Variants in TRIQK observed in about 807,000 individuals in gnomAD.
TRIQK encodes triple QxxK/R motif-containing protein.
In TRIQK, 10 loss-of-function variants were observed where a neutral mutation model predicts 10.8. The observed-to-expected ratio is 0.92, with a 90% CI of 0.57 to 1.57. The LOEUF (loss-of-function observed/expected upper bound fraction) is 1.57, where lower values mean the gene tolerates loss of function less well. Ranked by LOEUF, TRIQK falls within the 40% of genes most tolerant of loss-of-function variation. The pLI is 0.00. For synonymous variants in TRIQK, 33 were observed against 33.7 expected, an observed-to-expected ratio of 0.98 and a Z score of 0.07; for missense variants, 107 against 97.7, an observed-to-expected ratio of 1.09 and a Z score of -0.40.
In TRIQK at chr8:92,884,006, T is replaced by C. The variant is rs2130195585; in HGVS notation, c.*2616A>G. On this transcript the variant is annotated 3_prime_UTR_variant, in exon 5 of 5. Transcript: ENST00000521988. The stretch of plus-strand genomic sequence containing the variant: ...TTCAATCACAGTATTCCATAGGCTA[T>C]ATTTTAAGTCTATTGCATTAGTTGA... 3 of 151,968 alleles carry C rather than the reference T, an allele frequency of 2.0e-5. No individual in the cohort carries two copies. Among genetic ancestry groups the C allele is most frequent in the Middle Eastern group, 6.8e-3 (2 of 294 alleles). 9.4% of individuals were successfully genotyped at this position (151,968 alleles called of 1,614,324 possible). A position where few individuals can be genotyped will look rare whatever the true frequency, so the allele number is the denominator to read the frequency against.
At chr8:92,996,407 C>A (rs952738535) in intron 1 of TRIQK, among the ~76,000 whole-genome samples, 6 of 152,002 alleles carry the variant, frequency 3.9e-5, no homozygotes, top group African/African-American at 1.4e-4. Context: ...TGCATTGAAC[C>A]ATAAATCAAG....
intron 1 of TRIQK, among the ~76,000 whole-genome samples, chr8:93,014,595 C>T (rs375155876): frequency 1.3e-5 from 2 of 151,902 alleles, no homozygotes; most frequent in African/African-American, 4.8e-5. Context: ...GAGCACCAAC[C>T]AAATGACATC....
At chr8:92,928,856 T>C (rs1810574508) in intron 2 of TRIQK, among the ~76,000 whole-genome samples, 1 of 152,162 alleles carries the variant, frequency 6.6e-6, no homozygotes, top group Non-Finnish European at 1.5e-5. Context: ...TTTAGTGCAG[T>C]GAGGTAACCA....
chr8:93,011,930 C>A (rs1017619081), intron 1 of TRIQK, among the ~76,000 whole-genome samples: 5 of 152,170 alleles, frequency 3.3e-5, no homozygotes, highest in South Asian at 2.1e-4. Flanking sequence ...TGTATCGAAA[C>A]CAAGATAGAT....
At chr8:92,976,495 C>A (rs1247813542) in intron 1 of TRIQK, among the ~76,000 whole-genome samples, 4 of 151,846 alleles carry the variant, frequency 2.6e-5, no homozygotes, top group African/African-American at 9.7e-5. Flanking sequence ...GTTTTATTTT[C>A]CAGTCTTTTA....
intron 4 of TRIQK, among the ~76,000 whole-genome samples, chr8:92,888,794 C>T (rs1338616744): frequency 6.6e-6 from 1 of 151,530 alleles, no homozygotes; most frequent in Admixed American, 6.6e-5. Flanking sequence ...TGTAACAAAA[C>T]TAAACTTGTG....
Position 93,002,741 on chromosome 8 carries a change from G to A in TRIQK, c.-181+14868C>T, listed in dbSNP as rs188343556. ...TCGAGACCAGCCTGGCCAACATGGC[G>A]AAACCCCATCTCTACTAAAAATAAA... On this transcript the variant is annotated intron_variant, in intron 1 of 4. Transcript: ENST00000520686. 8.7e-3 allele frequency among the ~76,000 whole-genome samples: 1,325 copies of A among 152,098 alleles called. 28 individuals are homozygous for A. The highest frequency in any genetic ancestry group is 8.5e-3 in the Non-Finnish European group (579 of 67,968).
intron 2 of TRIQK, among the ~76,000 whole-genome samples, chr8:92,943,302 C>T (rs999714921): frequency 9.2e-5 from 14 of 152,122 alleles, no homozygotes; most frequent in African/African-American, 2.7e-4. Context: ...AGACATCCTT[C>T]ATACAAGTGG....
At chr8:92,996,103 A>T (rs1813151645) in intron 1 of TRIQK, among the ~76,000 whole-genome samples, 2 of 152,072 alleles carry the variant, frequency 1.3e-5, no homozygotes, top group African/African-American at 4.8e-5. Context: ...ATCAATGTAA[A>T]TAAAATGATT....
intron 2 of TRIQK, 68 bp from the exon 3 acceptor site, chr8:92,917,078 T>G (rs1809900608): frequency 1.1e-6 from 1 of 940,102 alleles, no homozygotes; most frequent in African/African-American, 1.7e-5. Flanking sequence ...AGAAATAGTT[T>G]ATTCTATAAA....
At chr8:92,966,904 C>T (rs571107677), upstream of TRIQK, among the ~76,000 whole-genome samples, 10 of 135,338 alleles carry the variant, frequency 7.4e-5, no homozygotes, top group African/African-American at 2.2e-4. Flanking sequence ...TTCTCTTGCT[C>T]ACATAAAAGT....
intron 2 of TRIQK, among the ~76,000 whole-genome samples, chr8:92,949,018 A>C (rs1811693948): frequency 6.6e-6 from 1 of 152,168 alleles, no homozygotes; most frequent in Non-Finnish European, 1.5e-5. Context: ...TGAGGCAAAC[A>C]CCAAGCTGTA....
rs1809894216 is a variant in TRIQK at position 92,917,007 on chromosome 8, C to T, written c.-18G>A. 1 of 1,485,098 alleles carries T rather than the reference C, an allele frequency of 6.7e-7. No homozygotes were observed. 92.0% of individuals were successfully genotyped at this position (1,485,098 alleles called of 1,614,324 possible). ...CTACCCATCTTTGATCTCCAAAATG[C>T]CTGCTGAAAAGAAAACAATTATAAT... On this transcript the variant is annotated 5_prime_UTR_variant, in exon 3 of 5. Coordinates refer to ENST00000521988, the MANE Select transcript of TRIQK (RefSeq NM_001171797.2).
At chr8:92,980,367 G>T (rs1812974556) in intron 1 of TRIQK, among the ~76,000 whole-genome samples, 1 of 141,126 alleles carries the variant, frequency 7.1e-6, no homozygotes, top group Non-Finnish European at 1.6e-5. Context: ...GCATATGGGG[G>T]TGTGTGTGTG....
chr8:93,007,359 CA>C (rs1813284776), intron 1 of TRIQK, among the ~76,000 whole-genome samples: 1 of 152,148 alleles, frequency 6.6e-6, no homozygotes. Context: ...AATGTCCCCA[CA>C]AAAACCCCAT....
upstream of TRIQK, among the ~76,000 whole-genome samples, chr8:92,968,888 C>A (rs1210861522): frequency 6.6e-6 from 1 of 152,026 alleles, no homozygotes. Flanking sequence ...GCTTATGTCC[C>A]GAATGATATT....
intron 1 of TRIQK, among the ~76,000 whole-genome samples, chr8:93,000,532 C>T (rs1813199291): frequency 1.3e-5 from 2 of 152,092 alleles, no homozygotes. Flanking sequence ...ATTTCCCTCC[C>T]ATGACATGTG....
At chr8:92,967,350 A>G (rs190565840), upstream of TRIQK, among the ~76,000 whole-genome samples, 1 of 152,258 alleles carries the variant, frequency 6.6e-6, no homozygotes, top group African/African-American at 2.4e-5. Context: ...TAAAATGTTC[A>G]TCGTACTGTG....
intron 2 of TRIQK, among the ~76,000 whole-genome samples, chr8:92,946,657 A>T (rs192782233): frequency 1.3e-3 from 195 of 151,992 alleles, no homozygotes; most frequent in African/African-American, 4.6e-3. Flanking sequence ...TTGTTTTCTA[A>T]TTTTTTCACA....
Sources: gnomAD v4.1 joint callset for allele counts (sites outside exome capture counted in the v4.1 genomes callset) on GRCh38, gnomAD v4.1.1 for gene constraint, MANE v1.5 for transcripts, NCBI Gene and HGNC (gene_info 2026-07-23, HGNC 2026-07-21) for gene names.